GNB1: variants seen among roughly 807,000 people sequenced by gnomAD.
GNB1 encodes the protein guanine nucleotide-binding protein G(I)/G(S)/G(T) subunit beta-1.
A neutral mutation model predicts 42.9 loss-of-function variants in GNB1; 2 were observed. The observed-to-expected ratio is 0.05, with a 90% CI of 0.02 to 0.15. GNB1 has a LOEUF of 0.15. Among genes scored for constraint, GNB1 ranks in the 10% least tolerant of loss-of-function variants. GNB1 has a pLI of 1.00. For synonymous variants in GNB1, 183 were observed against 174.7 expected (o/e 1.05, Z -0.38); for missense variants, 193 against 462.2 (o/e 0.42, Z 5.34).
At chr1:1,888,086 T>A (rs531890769) in intron 1 of GNB1, among the ~76,000 whole-genome samples, 51 of 152,328 alleles carry the variant, frequency 3.3e-4, no homozygotes, top group Non-Finnish European at 6.6e-4. Flanking sequence ...AAGGTATCAC[T>A]GAAGAGCACT....
At chr1:1,804,667 T>G (rs919550518) in intron 6 of GNB1, 86 bp from the exon 7 acceptor site, 28 of 1,031,446 alleles carry the variant, frequency 2.7e-5, no homozygotes, top group African/African-American at 3.2e-5. Flanking sequence ...CAACTTTCAC[T>G]GCAAAGGAGG....
chr1:1,871,673 T>C lies in GNB1; in HGVS notation c.-96+19147A>G, dbSNP rs1337655652. ...CTGTTAGCCGGCGGTTGGCACTTAGTTGCCCTATACCCATTTTGAGCTTCA... is the reference window on the plus strand; with the variant it reads ...CTGTTAGCCGGCGGTTGGCACTTAGCTGCCCTATACCCATTTTGAGCTTCA... On this transcript the variant is annotated intron_variant, in intron 1 of 11. Coordinates refer to ENST00000378609, the MANE Select transcript of GNB1 (RefSeq NM_002074.5). Among the ~76,000 whole-genome samples, 6 of 152,340 alleles carry C rather than the reference T, an allele frequency of 3.9e-5. No individual in the cohort carries two copies. In the South Asian group the frequency reaches 1.2e-3, roughly 32 times the overall value.
chr1:1,799,669 A>G (rs1468148447), intron 7 of GNB1, among the ~76,000 whole-genome samples: 1 of 152,202 alleles, frequency 6.6e-6, no homozygotes, highest in East Asian at 1.9e-4. Flanking sequence ...TGAAAGCATG[A>G]AAACAGGAGC....
intron 4 of GNB1, 62 bp downstream of exon 4, chr1:1,817,775 T>C (rs1318338817): frequency 8.5e-7 from 1 of 1,178,184 alleles, no homozygotes; most frequent in East Asian, 2.3e-5. Flanking sequence ...AGGCTCCAGG[T>C]GTGGGTGCCG....
chr1:1,802,612 T>TA (rs1464905940), intron 7 of GNB1, among the ~76,000 whole-genome samples: 1 of 151,656 alleles, frequency 6.6e-6, no homozygotes, highest in Non-Finnish European at 1.5e-5. Flanking sequence ...CTACTAAAAA[T>TA]ACAAAAATTG....
chr1:1,864,344 A>AAAAAAAC (rs1648803636), intron 1 of GNB1, among the ~76,000 whole-genome samples: 2 of 145,682 alleles, frequency 1.4e-5, no homozygotes, highest in African/African-American at 2.5e-5. Context: ...AAAGAAGAAA[A>AAAAAAAC]CCCCACGAAA....
intron 1 of GNB1, among the ~76,000 whole-genome samples, chr1:1,882,647 G>C (rs1390437929): frequency 6.6e-6 from 1 of 152,136 alleles, no homozygotes; most frequent in Non-Finnish European, 1.5e-5. Context: ...AATGGGCAGG[G>C]CGTGGTGGCT....
chr1:1,882,382 C>T (rs959625558), intron 1 of GNB1, among the ~76,000 whole-genome samples: 6 of 130,134 alleles, frequency 4.6e-5, no homozygotes, highest in Non-Finnish European at 7.7e-5. Flanking sequence ...GAGCCGAAAT[C>T]GTGCCACTGC....
chr1:1,879,464 T>C (rs867349250), intron 1 of GNB1, among the ~76,000 whole-genome samples: 11 of 152,258 alleles, frequency 7.2e-5, no homozygotes, highest in Middle Eastern at 3.4e-3. Flanking sequence ...CCCAGCACTT[T>C]GGGAGGCCGA....
Position 1,793,005 on chromosome 1 carries a change from G to A in GNB1, c.497+240C>T, listed in dbSNP as rs373581922. Reference sequence around the variant, plus strand: ...CATTTAAACCCGGCAGGCAGATGTCGCAGAGCCAAGATTGAGCCATTGTAC... The same window carrying A: ...CATTTAAACCCGGCAGGCAGATGTCACAGAGCCAAGATTGAGCCATTGTAC... On this transcript the variant is annotated intron_variant, in intron 8 of 11. Coordinates refer to ENST00000378609, the MANE Select transcript of GNB1 (RefSeq NM_002074.5). Among the ~76,000 whole-genome samples, 12 of 151,560 alleles carry A rather than the reference G, an allele frequency of 7.9e-5. No homozygotes were observed. In the South Asian group the frequency reaches 1.0e-3, roughly 13 times the overall value.
chr1:1,828,456 A>G (rs1233876018), intron 2 of GNB1, among the ~76,000 whole-genome samples: 3 of 152,218 alleles, frequency 2.0e-5, no homozygotes, highest in Admixed American at 6.5e-5. Flanking sequence ...CACATATTAT[A>G]CAAGAACATG....
intron 4 of GNB1, among the ~76,000 whole-genome samples, chr1:1,816,342 C>A (rs1570661000): frequency 6.6e-6 from 1 of 152,232 alleles, no homozygotes. Context: ...GCTGTACACA[C>A]ACCTGCTGAG....
chr1:1,851,182 G>A (rs962037521), intron 1 of GNB1, among the ~76,000 whole-genome samples: 5 of 152,306 alleles, frequency 3.3e-5, no homozygotes, highest in East Asian at 3.9e-4. Context: ...AGGCCGAGAC[G>A]TGTGGATCAC....
chr1:1,818,706 T>C (rs2100902664), intron 3 of GNB1, among the ~76,000 whole-genome samples: 1 of 151,570 alleles, frequency 6.6e-6, no homozygotes, highest in Non-Finnish European at 1.5e-5. Context: ...CTACTAAAAA[T>C]ACAAAAAATA....
chr1:1,843,806 T>A (rs1647458950), intron 1 of GNB1, among the ~76,000 whole-genome samples: 1 of 152,088 alleles, frequency 6.6e-6, no homozygotes, highest in South Asian at 2.1e-4. Context: ...GGCTCGCACC[T>A]CCCAGTGCTT....
intron 5 of GNB1, among the ~76,000 whole-genome samples, chr1:1,807,463 GAAAAAAAAA>G (rs533616486): frequency 0.32 from 8,017 of 24,864 alleles, 245 homozygotes; most frequent in Middle Eastern, 0.41. Context: ...GATCCTGACT[GAAAAAAAAA>G]AAAAAAAAAA....
intron 2 of GNB1, among the ~76,000 whole-genome samples, chr1:1,835,605 T>C (rs1647135601): frequency 6.6e-6 from 1 of 152,212 alleles, no homozygotes; most frequent in Non-Finnish European, 1.5e-5. Context: ...AAAATATATG[T>C]AGCAGTGGCA....
At chr1:1,865,640 A>G (rs1353068857) in intron 1 of GNB1, among the ~76,000 whole-genome samples, 1 of 152,198 alleles carries the variant, frequency 6.6e-6, no homozygotes, top group African/African-American at 2.4e-5. Flanking sequence ...GCATCCAAAA[A>G]TATCCAGTGA....
chr1:1,810,233 T>C (rs1274256723), intron 5 of GNB1, among the ~76,000 whole-genome samples: 1 of 151,230 alleles, frequency 6.6e-6, no homozygotes, highest in Admixed American at 6.6e-5. Context: ...GCCTGGCTTA[T>C]TTTTTGTATT....
Sources: gnomAD v4.1 joint callset for allele counts (sites outside exome capture counted in the v4.1 genomes callset) on GRCh38, gnomAD v4.1.1 for gene constraint, MANE v1.5 for transcripts, NCBI Gene and HGNC (gene_info 2026-07-23, HGNC 2026-07-21) for gene names.